CLCC1: variants seen among roughly 807,000 people sequenced by gnomAD.
CLCC1 encodes the protein chloride channel CLIC-like protein 1.
In CLCC1, 39 loss-of-function variants were observed where a neutral mutation model predicts 63.3. The observed-to-expected ratio is 0.62, with a 90% confidence interval of 0.48 to 0.81. The LOEUF (loss-of-function observed/expected upper bound fraction) is 0.81, where lower values mean the gene tolerates loss of function less well. Ranked by LOEUF, CLCC1 falls within the 30% of genes least tolerant of loss-of-function variation. CLCC1 has a pLI of 0.00. For missense variants in CLCC1, 549 were observed against 669.4 expected (o/e 0.82, Z 1.98); for synonymous variants, 217 against 239.8 (o/e 0.90, Z 0.88).
chr1:108,939,837 T>C, intron 9 of CLCC1, 55 bp from the exon 10 acceptor site: 1 of 1,554,940 alleles, frequency 6.4e-7, no homozygotes, highest in Non-Finnish European at 8.7e-7. Context: ...AGGTACAGAA[T>C]GCATCAAAAT....
intron 6 of CLCC1, 95 bp downstream of exon 6, chr1:108,943,741 C>T: frequency 7.0e-7 from 1 of 1,425,354 alleles, no homozygotes; most frequent in Non-Finnish European, 9.8e-7. Flanking sequence ...GTATAAGTGA[C>T]CTAGTACAGG....
chr1:108,961,831 C>A (rs1259268645), intron 2 of CLCC1, among the ~76,000 whole-genome samples: 1 of 151,972 alleles, frequency 6.6e-6, no homozygotes, highest in African/African-American at 2.4e-5. Context: ...TGCACTCCAG[C>A]CTGGGCAACA....
chr1:108,941,709 G>A (rs1236863447), intron 7 of CLCC1, among the ~76,000 whole-genome samples: 10 of 151,744 alleles, frequency 6.6e-5, no homozygotes, highest in South Asian at 2.1e-4. Context: ...GCTGGTGTGC[G>A]GTGGCACAAT....
At position 108,941,423 on chromosome 1, in the gene CLCC1, A is replaced by G; in HGVS notation, c.778T>C (p.Trp260Arg). 1.2e-6 allele frequency: 2 copies of G among 1,614,158 alleles called. No homozygotes were observed. The highest frequency in any genetic ancestry group is 1.7e-6 in the Non-Finnish European group (2 of 1,180,018). Residue 260 changes from tryptophan to arginine, a missense_variant, in exon 8 of 13, where the codon TGG becomes CGG. Coordinates refer to ENST00000369969, the MANE Select transcript of CLCC1 (RefSeq NM_001377458.1). The stretch of plus-strand genomic sequence containing the variant: ...ACCTTACCCCAGATACTTCCAGTCC[A>G]GTCCATCTTTTTGGCACACACATTG... The part of the protein sequence containing the change: ...LNNVCAKKMD[W>R]TGSIWEWFRS...
At chr1:108,963,239 G>C (rs1337345443) in intron 1 of CLCC1, 122 bp downstream of exon 1, 3 of 602,110 alleles carry the variant, frequency 5.0e-6, no homozygotes, top group Non-Finnish European at 9.0e-6. Context: ...CACGGTCCCC[G>C]CCCCGGGTCG....
rs143533634 is a variant in CLCC1, at chr1:108,955,091, C to T, written c.-11-4643G>A. On this transcript the variant is annotated intron_variant, in intron 2 of 12. Coordinates refer to ENST00000369969, the MANE Select transcript of CLCC1 (RefSeq NM_001377458.1). The stretch of plus-strand genomic sequence containing the variant: ...AACTCCCGACCTCAGGTGATCCACC[C>T]GCCTTGGCCTCCCAAAGTGCTGAGG... Among the ~76,000 whole-genome samples the T allele has an allele frequency of 5.6e-3, 840 of 150,886 alleles. 55 individuals are homozygous for T. The highest frequency in any genetic ancestry group is 0.02 in the African/African-American group (788 of 40,396).
At chr1:108,953,729 G>A (rs1557899087) in intron 2 of CLCC1, among the ~76,000 whole-genome samples, 1 of 152,190 alleles carries the variant, frequency 6.6e-6, no homozygotes, top group South Asian at 2.1e-4. Context: ...AAGCACATCT[G>A]GCCAGGTGCA....
intron 7 of CLCC1, among the ~76,000 whole-genome samples, chr1:108,942,458 C>G (rs1018993360): frequency 1.3e-5 from 2 of 152,098 alleles, no homozygotes; most frequent in Admixed American, 6.5e-5. Context: ...ATAATACTTA[C>G]AGCAAAAGGT....
At chr1:108,932,772 C>CT (rs1652226591) in intron 12 of CLCC1, 2 of 152,312 alleles carry the variant, frequency 1.3e-5, no homozygotes, top group African/African-American at 4.8e-5. Context: ...CTGCAGGTGT[C>CT]TGTCAGGATT....
chr1:108,937,435 T>C lies in CLCC1; in HGVS notation c.1042-17A>G, dbSNP rs1453486901. 3 of 1,543,188 alleles carry C rather than the reference T, an allele frequency of 1.9e-6. No homozygotes were observed. Among genetic ancestry groups the C allele is most frequent in the Non-Finnish European group, 1.7e-6 (2 of 1,144,590 alleles). ...GCAGAAACTCTGTAAGGAAAAGAAA[T>C]ACATTTTCCTGAGGACTCAATGGCT... On this transcript the variant is annotated splice_polypyrimidine_tract_variant and intron_variant, in intron 10 of 12. Transcript: ENST00000369969.
chr1:108,937,326 A>G lies in CLCC1; in HGVS notation c.1134T>C (p.Asp378=). The stretch of plus-strand genomic sequence containing the variant: ...AATCAATTTCCTCCTGCCGTCTTCT[A>G]TCCCGTGGCCGAAGTGCCTGGGGAG... ...SEPPQALRPR[D]RRRQEEIDYR... The change falls in exon 11 of 13, where the codon GAT becomes GAC. Residue 378 remains aspartate (D), a synonymous_variant. Coordinates refer to ENST00000369969, the MANE Select transcript of CLCC1 (RefSeq NM_001377458.1). 2 of 1,614,216 alleles carry G rather than the reference A, an allele frequency of 1.2e-6. No homozygotes were observed. Among genetic ancestry groups the G allele is most frequent in the Non-Finnish European group, 1.7e-6 (2 of 1,180,034 alleles).
chr1:108,943,796 G>T, intron 6 of CLCC1, 40 bp downstream of exon 6: 4 of 1,519,514 alleles, frequency 2.6e-6, no homozygotes, highest in Non-Finnish European at 3.6e-6. Flanking sequence ...TTTTAAAAAG[G>T]AAACTTAATG....
intron 5 of CLCC1, among the ~76,000 whole-genome samples, chr1:108,946,848 GTGA>G (rs1438801646): frequency 6.6e-5 from 10 of 152,130 alleles, no homozygotes; most frequent in African/African-American, 2.2e-4. Flanking sequence ...ACTTCCCAAA[GTGA>G]AAACAGTGAC....
chr1:108,963,202 C>G lies in CLCC1; in HGVS notation c.-173+159G>C, dbSNP rs796126009. ...CTGAGGTAGGAGCCCGGGGCACCCA[C>G]AGGCCGCAGCGGACGCACGCAGCTA... is the stretch of plus-strand genomic sequence containing the variant. On this transcript the variant is annotated intron_variant, in intron 1 of 12. Coordinates refer to ENST00000369969, the MANE Select transcript of CLCC1 (RefSeq NM_001377458.1). 1.5e-4 allele frequency among the ~76,000 whole-genome samples: 23 copies of G among 152,328 alleles called. 1 individual carries two copies. The highest frequency in any genetic ancestry group is 5.3e-4 in the African/African-American group (22 of 41,586).
rs1651593506 is a variant in CLCC1 at position 108,929,806 on chromosome 1, AAGAGAATGGATGAAC to A, written c.*2726_*2740del. 1 of 1,613,992 alleles carries A rather than the reference AAGAGAATGGATGAAC, an allele frequency of 6.2e-7. No homozygotes were observed. Reference sequence around the variant, plus strand: ...CAGCCTTATTTTACGGTCCCAGGGAAAGAGAATGGATGAACAGAGAGTTCTTTTACAAAGAGATCA... The same window carrying A: ...CAGCCTTATTTTACGGTCCCAGGGAAAGAGAGTTCTTTTACAAAGAGATCA... On this transcript the variant is annotated 3_prime_UTR_variant, in exon 13 of 13. Coordinates refer to ENST00000369969, the MANE Select transcript of CLCC1 (RefSeq NM_001377458.1).
intron 2 of CLCC1, among the ~76,000 whole-genome samples, chr1:108,957,102 T>C (rs1364723550): frequency 1.3e-5 from 2 of 151,408 alleles, no homozygotes; most frequent in African/African-American, 4.9e-5. Flanking sequence ...ACTTCAGAGA[T>C]GAAGGTGACA....
At chr1:108,943,367 C>T in intron 7 of CLCC1, 108 bp downstream of exon 7, 2 of 1,124,098 alleles carry the variant, frequency 1.8e-6, no homozygotes, top group East Asian at 2.4e-5. Flanking sequence ...CACCTCTAAT[C>T]ACTGCCTCCA....
At chr1:108,961,335 A>C (rs986013524) in intron 2 of CLCC1, among the ~76,000 whole-genome samples, 1 of 150,142 alleles carries the variant, frequency 6.7e-6, no homozygotes, top group African/African-American at 2.5e-5. Context: ...TAGGTCTGAG[A>C]TCTCCACTTC....
At chr1:108,960,807 C>T (rs762687443) in intron 2 of CLCC1, among the ~76,000 whole-genome samples, 3 of 151,978 alleles carry the variant, frequency 2.0e-5, no homozygotes, top group Non-Finnish European at 2.9e-5. Context: ...CTACAGGAGG[C>T]ATTATACAAA....
Sources: gnomAD v4.1 joint callset for allele counts (sites outside exome capture counted in the v4.1 genomes callset) on GRCh38, gnomAD v4.1.1 for gene constraint, MANE v1.5 for transcripts, NCBI Gene and HGNC (gene_info 2026-07-23, HGNC 2026-07-21) for gene names.